Variants in GRID1 observed in about 807,000 individuals in gnomAD.
The protein encoded by GRID1 is glutamate ionotropic receptor delta type subunit 1.
GRID1 carries 28 observed loss-of-function variants against 98.0 expected under a neutral mutation model. The observed-to-expected ratio is 0.29, with a 90% CI of 0.21 to 0.39. The LOEUF is 0.39. Among genes scored for constraint, GRID1 ranks in the 10% least tolerant of loss-of-function variants. The pLI is 1.00. For missense variants in GRID1, 1,111 were observed against 1,340.5 expected (o/e 0.83, Z 2.67); for synonymous variants, 553 against 538.5 (o/e 1.03, Z -0.37).
At chr10:85,941,368 C>A (rs1417550192) in intron 4 of GRID1, among the ~76,000 whole-genome samples, 1 of 152,148 alleles carries the variant, frequency 6.6e-6, no homozygotes, top group Non-Finnish European at 1.5e-5. Context: ...AACCACATAA[C>A]TCTAGTTCTG....
intron 8 of GRID1, among the ~76,000 whole-genome samples, chr10:85,784,949 T>C (rs1473061567): frequency 6.6e-6 from 1 of 152,204 alleles, no homozygotes; most frequent in South Asian, 2.1e-4. Flanking sequence ...GTGACTGAGT[T>C]CTGCTCAATG....
chr10:85,889,257 C>G (rs1443346385), intron 5 of GRID1, among the ~76,000 whole-genome samples: 4 of 152,110 alleles, frequency 2.6e-5, no homozygotes. Flanking sequence ...TCCCCTGCAC[C>G]CAACAGAGCA....
At chr10:86,202,417 AC>A (rs1212512981) in intron 3 of GRID1, among the ~76,000 whole-genome samples, 33 of 152,054 alleles carry the variant, frequency 2.2e-4, no homozygotes, top group East Asian at 1.5e-3. Flanking sequence ...AGCTACTAGC[AC>A]CCCCCTCCCA....
At chr10:85,639,763 C>T (rs1259696641) in intron 13 of GRID1, among the ~76,000 whole-genome samples, 1 of 152,160 alleles carries the variant, frequency 6.6e-6, no homozygotes, top group Non-Finnish European at 1.5e-5. Context: ...ATCCCCGCTA[C>T]TTGGGAGGCT....
intron 4 of GRID1, among the ~76,000 whole-genome samples, chr10:85,982,422 C>G (rs560572935): frequency 6.6e-6 from 1 of 152,002 alleles, no homozygotes; most frequent in East Asian, 1.9e-4. Flanking sequence ...AGGATTAGAC[C>G]AGGTGCTATA....
chr10:86,051,126 TACAATAATTA>T (rs1043515586), intron 4 of GRID1, among the ~76,000 whole-genome samples: 53 of 151,142 alleles, frequency 3.5e-4, no homozygotes, highest in Admixed American at 8.6e-4. Context: ...AGAATAAAGC[TACAATAATTA>T]AAACAGTGTG....
chr10:85,834,096 T>C lies in GRID1; in HGVS notation c.1233+20400A>G, dbSNP rs143065271. The stretch of plus-strand genomic sequence containing the variant: ...TTCAAATAAATAATGATTAGCAGTT[T>C]GACAAATTTCGTGGAAGATGTAAAC... On this transcript the variant is annotated intron_variant, in intron 8 of 15. Transcript: ENST00000327946. Among the ~76,000 whole-genome samples, 277 of 152,332 alleles carry C rather than the reference T, an allele frequency of 1.8e-3. 2 individuals are homozygous for C. The highest frequency in any genetic ancestry group is 2.9e-3 in the Non-Finnish European group (200 of 68,022).
chr10:85,860,083 C>T (rs2131785053), intron 6 of GRID1, among the ~76,000 whole-genome samples: 1 of 152,298 alleles, frequency 6.6e-6, no homozygotes, highest in Middle Eastern at 3.4e-3. Context: ...TCGTCATTGA[C>T]CACCAGGGGC....
intron 8 of GRID1, among the ~76,000 whole-genome samples, chr10:85,843,047 T>A (rs1178726499): frequency 6.6e-6 from 1 of 151,970 alleles, no homozygotes; most frequent in African/African-American, 2.4e-5. Flanking sequence ...AATCCAACAA[T>A]GTGTAAAACG....
At chr10:85,984,240 G>A (rs1842581484) in intron 4 of GRID1, among the ~76,000 whole-genome samples, 1 of 152,100 alleles carries the variant, frequency 6.6e-6, no homozygotes, top group South Asian at 2.1e-4. Context: ...CCCCCAATCT[G>A]GGGGCCTCAG....
At chr10:86,053,887 C>T (rs1589353440) in intron 4 of GRID1, among the ~76,000 whole-genome samples, 1 of 152,190 alleles carries the variant, frequency 6.6e-6, no homozygotes, top group Non-Finnish European at 1.5e-5. Context: ...CACGTGTGCA[C>T]ACATGCACAC....
intron 3 of GRID1, among the ~76,000 whole-genome samples, chr10:86,187,787 C>T (rs574662120): frequency 6.6e-6 from 1 of 152,314 alleles, no homozygotes; most frequent in East Asian, 1.9e-4. Context: ...AAGGCAGCTA[C>T]ATGGGAGGAA....
chr10:85,669,312 A>G (rs1346288411), intron 12 of GRID1, among the ~76,000 whole-genome samples: 1 of 152,138 alleles, frequency 6.6e-6, no homozygotes, highest in Non-Finnish European at 1.5e-5. Context: ...AGAGCACTTT[A>G]CAGAGAGCAT....
rs7068837 is a variant in GRID1 at position 85,983,127 on chromosome 10, C to T, written c.727-66888G>A. On this transcript the variant is annotated intron_variant, in intron 4 of 15. Transcript: ENST00000327946. Reference sequence around the variant, plus strand: ...CCATGGCCTGGACACAGGTCTCTGCCGGGGAAGCAGGTGGGCAGCCTGCTC... The same window carrying T: ...CCATGGCCTGGACACAGGTCTCTGCTGGGGAAGCAGGTGGGCAGCCTGCTC... Among the ~76,000 whole-genome samples the T allele has an allele frequency of 8.6e-3, 1,309 of 152,262 alleles. 26 individuals are homozygous for T. The highest frequency in any genetic ancestry group is 0.03 in the African/African-American group (1,247 of 41,542).
At chr10:85,957,948 T>C (rs963475234) in intron 4 of GRID1, among the ~76,000 whole-genome samples, 16 of 152,156 alleles carry the variant, frequency 1.1e-4, no homozygotes, top group African/African-American at 3.6e-4. Flanking sequence ...CTTCCCCAAA[T>C]TGAGCTACTT....
At chr10:86,266,516 T>C (rs1030480543) in intron 2 of GRID1, among the ~76,000 whole-genome samples, 1 of 152,212 alleles carries the variant, frequency 6.6e-6, no homozygotes, top group African/African-American at 2.4e-5. Context: ...CTTCCTGATC[T>C]TTTACACACC....
At chr10:85,799,621 A>T (rs1468265001) in intron 8 of GRID1, among the ~76,000 whole-genome samples, 2 of 152,122 alleles carry the variant, frequency 1.3e-5, no homozygotes, top group Non-Finnish European at 2.9e-5. Flanking sequence ...AGCCAAGCAC[A>T]GGAAAAATGT....
intron 4 of GRID1, among the ~76,000 whole-genome samples, chr10:85,940,065 T>TC (rs1226887708): frequency 2.1e-5 from 1 of 47,438 alleles, no homozygotes; most frequent in Non-Finnish European, 3.8e-5. Flanking sequence ...AGACTCCCTC[T>TC]CAAAAAAAAA....
intron 4 of GRID1, among the ~76,000 whole-genome samples, chr10:86,132,539 C>T (rs922654411): frequency 6.6e-6 from 1 of 152,138 alleles, no homozygotes; most frequent in African/African-American, 2.4e-5. Flanking sequence ...AATTAATCTC[C>T]TATAATTAAT....
Sources: gnomAD v4.1 joint callset for allele counts (sites outside exome capture counted in the v4.1 genomes callset) on GRCh38, gnomAD v4.1.1 for gene constraint, MANE v1.5 for transcripts, NCBI Gene and HGNC (gene_info 2026-07-23, HGNC 2026-07-21) for gene names.